The following CNPY1 variants were observed in gnomAD, a reference collection of about 807,000 sequenced individuals.
The protein encoded by CNPY1 is protein canopy homolog 1.
A neutral mutation model predicts 14.4 loss-of-function variants in CNPY1; 14 were observed. That is an observed-to-expected ratio of 0.97 (90% CI 0.64 to 1.52). The LOEUF is 1.52. CNPY1 is among the 40% of genes most tolerant of loss of function. The probability of loss-of-function intolerance (pLI) is 0.00; values close to 1 mark genes in which losing one functional copy is unlikely to be tolerated. For missense variants in CNPY1, 129 were observed against 131.5 expected (o/e 0.98, Z 0.09); for synonymous variants, 43 against 46.5 (o/e 0.92, Z 0.31).
intron 2 of CNPY1, among the ~76,000 whole-genome samples, chr7:155,532,860 C>A (rs1796964574): frequency 6.6e-6 from 1 of 151,968 alleles, no homozygotes; most frequent in African/African-American, 2.4e-5. Context: ...TGTGCCTCGC[C>A]GTCTCCTGGC....
chr7:155,519,522 AAAATAAATAAAT>A (rs58372261), intron 2 of CNPY1, among the ~76,000 whole-genome samples: 90 of 141,102 alleles, frequency 6.4e-4, no homozygotes, highest in East Asian at 1.2e-3. Context: ...CCCTGTCTCA[AAAATAAATAAAT>A]AAATAAATAA....
intron 4 of CNPY1, among the ~76,000 whole-genome samples, chr7:155,505,754 GA>G (rs1291385383): frequency 3.9e-4 from 59 of 152,196 alleles, no homozygotes; most frequent in African/African-American, 1.2e-3. Context: ...ATACATCTCT[GA>G]ATTGTTTGAA....
At chr7:155,506,970 G>A in intron 4 of CNPY1, 50 bp downstream of exon 4, 1 of 1,230,646 alleles carries the variant, frequency 8.1e-7, no homozygotes, top group Non-Finnish European at 1.2e-6. Context: ...GGCTGAGTGA[G>A]AGAGAGAGGG....
intron 2 of CNPY1, among the ~76,000 whole-genome samples, chr7:155,520,408 TTTTCTTTCTTTC>T (rs1157640647): frequency 2.8e-4 from 42 of 150,180 alleles, no homozygotes; most frequent in African/African-American, 1.0e-3. Context: ...CTCTTTTTCT[TTTTCTTTCTTTC>T]TTTCTTTCTT....
At chr7:155,522,773 A>T (rs895557372) in intron 2 of CNPY1, among the ~76,000 whole-genome samples, 14 of 152,232 alleles carry the variant, frequency 9.2e-5, no homozygotes, top group Non-Finnish European at 1.5e-4. Context: ...GCATAGCACC[A>T]GGCAGGTGCC....
In CNPY1 at chr7:155,503,063, C is replaced by T. The variant is rs1490752025; in HGVS notation, c.*5G>A. 6.2e-7 allele frequency: 1 copy of T among 1,608,574 alleles called. No homozygotes were observed. On this transcript the variant is annotated 3_prime_UTR_variant, in exon 5 of 5. Transcript: ENST00000636446. ...CTCCTCTCTACGACCAGCAGAACGG[C>T]ACTCCTAGAGCTCAGTATGATTAGC... is the stretch of plus-strand genomic sequence containing the variant.
chr7:155,507,439 G>A (rs10215906), intron 3 of CNPY1, among the ~76,000 whole-genome samples: 1 of 118,878 alleles, frequency 8.4e-6, no homozygotes, highest in Non-Finnish European at 1.6e-5. Context: ...ACCTCCTATC[G>A]AAGGAGCTGA....
intron 2 of CNPY1, among the ~76,000 whole-genome samples, chr7:155,528,940 G>A (rs992637293): frequency 2.7e-4 from 41 of 152,118 alleles, no homozygotes; most frequent in African/African-American, 9.2e-4. Flanking sequence ...AGGCGCCTGT[G>A]GTCCCAGCTA....
At chr7:155,537,266 A>C (rs368283489) in intron 2 of CNPY1, among the ~76,000 whole-genome samples, 4 of 152,272 alleles carry the variant, frequency 2.6e-5, no homozygotes, top group South Asian at 4.2e-4. Flanking sequence ...TCTCCTTCCG[A>C]GGACTCTTAA....
intron 4 of CNPY1, among the ~76,000 whole-genome samples, chr7:155,505,989 CA>C (rs555234933): frequency 6.6e-6 from 1 of 151,652 alleles, no homozygotes; most frequent in Non-Finnish European, 1.5e-5. Flanking sequence ...AAACCAAAAA[CA>C]AAAAAAACAA....
rs79097514 is a variant in CNPY1 at position 155,520,757 on chromosome 7, G to T, written c.100-11660C>A. Among the ~76,000 whole-genome samples the T allele has an allele frequency of 1.8e-3, 270 of 152,158 alleles. 3 individuals carry two copies. The highest frequency in any genetic ancestry group is 6.2e-3 in the African/African-American group (256 of 41,526). On this transcript the variant is annotated intron_variant, in intron 2 of 4. Transcript: ENST00000636446. ...GTCTTCCCTCTTGATGCTGTGCATT[G>T]GACTAAGGGTTCTCTTTATGTTCGT...
rs373766528 is a variant in CNPY1, at chr7:155,503,156, C to A, written c.401-51G>T. The A allele has an allele frequency of 7.6e-4, 1,081 of 1,426,056 alleles. 8 individuals carry two copies. The highest frequency in any genetic ancestry group is 4.8e-3 in the South Asian group (401 of 83,154). The allele number at this position is 1,426,056 out of a possible 1,614,324, so 88.3% of individuals were successfully genotyped here. A position where few individuals can be genotyped will look rare whatever the true frequency, so the allele number is the denominator to read the frequency against. ...GCATCATTATCACTTTAGACTCCAG[C>A]CCGTTAAGTCATTTACATTATGCAA... On this transcript the variant is annotated intron_variant, in intron 4 of 4. Transcript: ENST00000636446.
chr7:155,532,410 C>T (rs1239976766), intron 2 of CNPY1, among the ~76,000 whole-genome samples: 1 of 151,666 alleles, frequency 6.6e-6, no homozygotes, highest in African/African-American at 2.4e-5. Context: ...ATCACAAGGT[C>T]AGGAGATCAA....
chr7:155,516,062 G>C (rs968552831), intron 2 of CNPY1, among the ~76,000 whole-genome samples: 2 of 152,044 alleles, frequency 1.3e-5, no homozygotes, highest in Non-Finnish European at 2.9e-5. Flanking sequence ...CATGCACCCT[G>C]TCTATTGCTT....
chr7:155,515,255 C>CTCA (rs904585281), intron 2 of CNPY1, among the ~76,000 whole-genome samples: 2 of 151,612 alleles, frequency 1.3e-5, no homozygotes, highest in Non-Finnish European at 2.9e-5. Flanking sequence ...AGAGTCCCTG[C>CTCA]TCATCTGGCC....
intron 2 of CNPY1, among the ~76,000 whole-genome samples, chr7:155,535,796 GC>G (rs1402195043): frequency 6.6e-6 from 1 of 152,162 alleles, no homozygotes; most frequent in Non-Finnish European, 1.5e-5. Context: ...GTCATTGGAT[GC>G]ATTCATCTGT....
intron 4 of CNPY1, among the ~76,000 whole-genome samples, chr7:155,505,931 A>C (rs1404224029): frequency 6.6e-6 from 1 of 152,266 alleles, no homozygotes; most frequent in African/African-American, 2.4e-5. Context: ...TTTTAAACAG[A>C]AACAACCCAA....
intron 2 of CNPY1, among the ~76,000 whole-genome samples, chr7:155,525,076 C>G (rs1796795488): frequency 1.3e-5 from 2 of 152,216 alleles, no homozygotes; most frequent in Non-Finnish European, 2.9e-5. Flanking sequence ...CTCTCTCTCT[C>G]AGCACTTCAC....
intron 2 of CNPY1, among the ~76,000 whole-genome samples, chr7:155,519,209 A>T (rs1363276906): frequency 1.3e-5 from 2 of 152,028 alleles, no homozygotes; most frequent in African/African-American, 2.4e-5. Flanking sequence ...CCAGGTTCAT[A>T]CCATCTTTGC....
Sources: gnomAD v4.1 joint callset for allele counts (sites outside exome capture counted in the v4.1 genomes callset) on GRCh38, gnomAD v4.1.1 for gene constraint, MANE v1.5 for transcripts, NCBI Gene and HGNC (gene_info 2026-07-23, HGNC 2026-07-21) for gene names.